The following SLIT3 variants were observed in gnomAD, a reference collection of about 807,000 sequenced individuals.
SLIT3 encodes slit homolog 3 protein.
Under a neutral mutation model 184.0 loss-of-function variants are expected in SLIT3, and 68 were observed. The ratio of observed to expected loss-of-function variants is 0.37; its 90% CI spans 0.30 to 0.45. The LOEUF (loss-of-function observed/expected upper bound fraction) is 0.45, where lower values mean the gene tolerates loss of function less well. Among genes scored for constraint, SLIT3 ranks in the 20% least tolerant of loss-of-function variants. The pLI is 1.00. For missense variants in SLIT3, 1,707 were observed against 2,026.0 expected (o/e 0.84, Z 3.02); for synonymous variants, 831 against 828.6 (o/e 1.00, Z -0.05).
At chr5:169,175,330 T>C (rs767072430) in intron 4 of SLIT3, among the ~76,000 whole-genome samples, 1 of 152,142 alleles carries the variant, frequency 6.6e-6, no homozygotes, top group Admixed American at 6.5e-5. Flanking sequence ...TGGGATATGG[T>C]AGTGTGGCTT....
chr5:169,279,466 A>G (rs770221156), intron 1 of SLIT3, among the ~76,000 whole-genome samples: 41 of 152,218 alleles, frequency 2.7e-4, no homozygotes, highest in Non-Finnish European at 5.1e-4. Context: ...CTGTATGCAT[A>G]CATACAGAAA....
At chr5:168,754,762 A>T (rs1754836710) in intron 16 of SLIT3, among the ~76,000 whole-genome samples, 1 of 152,190 alleles carries the variant, frequency 6.6e-6, no homozygotes, top group African/African-American at 2.4e-5. Context: ...GTTATGTATC[A>T]ATTTAAAAAA....
At chr5:168,811,046 A>G (rs1370702707) in intron 8 of SLIT3, among the ~76,000 whole-genome samples, 2 of 152,064 alleles carry the variant, frequency 1.3e-5, no homozygotes, top group Non-Finnish European at 2.9e-5. Flanking sequence ...TAAAATGGGG[A>G]TGATTATCAA....
intron 4 of SLIT3, among the ~76,000 whole-genome samples, chr5:169,168,266 T>C (rs1014346807): frequency 1.3e-5 from 2 of 152,226 alleles, no homozygotes; most frequent in South Asian, 2.1e-4. Context: ...TTTAGTATTA[T>C]ATCCAAAACC....
chr5:168,857,142 C>G (rs1465842852), intron 5 of SLIT3, among the ~76,000 whole-genome samples: 1 of 152,100 alleles, frequency 6.6e-6, no homozygotes, highest in African/African-American at 2.4e-5. Context: ...ACCACCTGGG[C>G]AAAGGCCAGC....
At chr5:168,857,958 G>A (rs575705098) in intron 5 of SLIT3, among the ~76,000 whole-genome samples, 1 of 152,338 alleles carries the variant, frequency 6.6e-6, no homozygotes, top group East Asian at 1.9e-4. Flanking sequence ...AAGGTGTCGG[G>A]CCACCGGGGA....
intron 4 of SLIT3, among the ~76,000 whole-genome samples, chr5:169,130,800 G>A (rs72832196): frequency 0.019 from 2,837 of 152,280 alleles, 31 homozygotes; most frequent in Non-Finnish European, 0.029. Flanking sequence ...ATACTACAAA[G>A]CAGTTAGTTA....
At chr5:169,009,406 T>C (rs1756055897) in intron 4 of SLIT3, among the ~76,000 whole-genome samples, 1 of 152,210 alleles carries the variant, frequency 6.6e-6, no homozygotes, top group Admixed American at 6.5e-5. Flanking sequence ...GGAGTCTGTT[T>C]GCAAACAGGC....
intron 4 of SLIT3, among the ~76,000 whole-genome samples, chr5:168,942,649 A>G (rs1254616579): frequency 6.6e-6 from 1 of 152,228 alleles, no homozygotes; most frequent in Non-Finnish European, 1.5e-5. Flanking sequence ...GTACTTATTC[A>G]TTCCACATTC....
At chr5:169,193,324 T>TG (rs974304199) in intron 4 of SLIT3, among the ~76,000 whole-genome samples, 155 bp downstream of exon 4, 2 of 152,040 alleles carry the variant, frequency 1.3e-5, no homozygotes, top group Admixed American at 1.3e-4. Context: ...AAGTGTTTGT[T>TG]GGGGGTAGAC....
At chr5:168,696,901 T>C (rs897635814) in intron 27 of SLIT3, among the ~76,000 whole-genome samples, 2 of 151,870 alleles carry the variant, frequency 1.3e-5, no homozygotes, top group African/African-American at 4.8e-5. Flanking sequence ...TATCTCAGGG[T>C]GAGGGGGTGG....
chr5:168,691,037 C>CAG (rs1309139118), intron 29 of SLIT3, among the ~76,000 whole-genome samples: 1 of 152,196 alleles, frequency 6.6e-6, no homozygotes, highest in Non-Finnish European at 1.5e-5. Context: ...TCTCCTCCAG[C>CAG]AGCCTTTTCC....
intron 5 of SLIT3, among the ~76,000 whole-genome samples, chr5:168,877,337 G>A (rs1759769343): frequency 6.6e-6 from 1 of 152,088 alleles, no homozygotes; most frequent in Non-Finnish European, 1.5e-5. Context: ...TTATGTTAAG[G>A]GAGCAGCAAG....
At chr5:168,775,009 A>G (rs1280404455) in intron 12 of SLIT3, among the ~76,000 whole-genome samples, 1 of 149,342 alleles carries the variant, frequency 6.7e-6, no homozygotes, top group Non-Finnish European at 1.5e-5. Context: ...ACTCACCCCA[A>G]ACTCACTACC....
chr5:168,742,479 G>A lies in SLIT3; in HGVS notation c.2270+5823C>T, dbSNP rs183467019. Among the ~76,000 whole-genome samples the A allele has an allele frequency of 2.2e-3, 263 of 119,360 alleles. 23 individuals carry two copies. Among genetic ancestry groups the A allele is most frequent in the Non-Finnish European group, 3.5e-3 (206 of 58,450 alleles). The allele number at this position is 119,360 out of a possible 152,430, so 78.3% of individuals were successfully genotyped here. A position where few individuals can be genotyped will look rare whatever the true frequency, so the allele number is the denominator to read the frequency against. ...TCTGCCAAGATGCAATGTCTCCTCT[G>A]CAGTCCTGGAATCAGGTCACAGGAC... On this transcript the variant is annotated intron_variant, in intron 20 of 35. Coordinates refer to ENST00000519560, the MANE Select transcript of SLIT3 (RefSeq NM_003062.4).
At chr5:169,021,351 T>C (rs1756587630) in intron 4 of SLIT3, among the ~76,000 whole-genome samples, 1 of 151,986 alleles carries the variant, frequency 6.6e-6, no homozygotes, top group African/African-American at 2.4e-5. Flanking sequence ...GATAGTATTC[T>C]TTTTTCTTTT....
At chr5:168,844,331 TG>T (rs375629628) in intron 6 of SLIT3, among the ~76,000 whole-genome samples, 142 of 152,158 alleles carry the variant, frequency 9.3e-4, no homozygotes, top group Non-Finnish European at 1.6e-3. Flanking sequence ...AAGACTCAAT[TG>T]AGACTTAATT....
At chr5:168,785,863 C>T (rs762183607) in intron 12 of SLIT3, 44 bp downstream of exon 12, 2 of 1,432,878 alleles carry the variant, frequency 1.4e-6, no homozygotes, top group Non-Finnish European at 2.0e-6. Flanking sequence ...TGGGAGCCTT[C>T]CGACAGTACC....
At chr5:168,873,614 C>T (rs896890604) in intron 5 of SLIT3, among the ~76,000 whole-genome samples, 4 of 152,014 alleles carry the variant, frequency 2.6e-5, no homozygotes, top group Admixed American at 6.6e-5. Flanking sequence ...TGGTTGACAG[C>T]GAGACTTACT....
Sources: gnomAD v4.1 joint callset for allele counts (sites outside exome capture counted in the v4.1 genomes callset) on GRCh38, gnomAD v4.1.1 for gene constraint, MANE v1.5 for transcripts, NCBI Gene and HGNC (gene_info 2026-07-23, HGNC 2026-07-21) for gene names.